The following PAIP1 variants were observed in gnomAD, a reference collection of about 807,000 sequenced individuals.
The protein encoded by PAIP1 is polyadenylate-binding protein-interacting protein 1.
A neutral mutation model predicts 61.3 loss-of-function variants in PAIP1; 16 were observed. That is an observed-to-expected ratio of 0.26 (90% confidence interval 0.18 to 0.40). The LOEUF is 0.40. PAIP1 is among the 10% of genes least tolerant of loss of function. The probability of loss-of-function intolerance (pLI) is 1.00; values close to 1 mark genes in which losing one functional copy is unlikely to be tolerated. For missense variants in PAIP1, 416 were observed against 600.9 expected, an observed-to-expected ratio of 0.69 and a Z score of 3.22; for synonymous variants, 187 against 226.2, an observed-to-expected ratio of 0.83 and a Z score of 1.56.
chr5:43,556,146 TACAG>T, intron 1 of PAIP1, 147 bp from the exon 2 acceptor site: 3 of 1,419,828 alleles, frequency 2.1e-6, no homozygotes, highest in Non-Finnish European at 1.8e-6. Context: ...CCGGAATGTG[TACAG>T]ACAGCCTACA....
intron 2 of PAIP1, among the ~76,000 whole-genome samples, chr5:43,555,066 G>A (rs987604729): frequency 6.6e-6 from 1 of 152,120 alleles, no homozygotes; most frequent in Admixed American, 6.5e-5. Context: ...TTTGAACACA[G>A]GCAAAACTAT....
rs1325152777 is a variant in PAIP1 at position 43,550,325 on chromosome 5, A to C, written c.436-2412T>G. On this transcript the variant is annotated intron_variant, in intron 2 of 10. Coordinates refer to ENST00000306846, the MANE Select transcript of PAIP1 (RefSeq NM_006451.5). Reference sequence around the variant, plus strand: ...TTAATCAAATTCACCTAGATTGGTGAAGAGCACATAGTAAAGCACAGAATG... The same window carrying C: ...TTAATCAAATTCACCTAGATTGGTGCAGAGCACATAGTAAAGCACAGAATG... Among the ~76,000 whole-genome samples the C allele has an allele frequency of 2.6e-5, 4 of 152,162 alleles. No homozygotes were observed. In the East Asian group the frequency reaches 7.7e-4, roughly 29 times the overall value.
chr5:43,550,977 A>G (rs1019570686), intron 2 of PAIP1, among the ~76,000 whole-genome samples: 1 of 152,282 alleles, frequency 6.6e-6, no homozygotes, highest in African/African-American at 2.4e-5. Flanking sequence ...AGAAGCACAC[A>G]GGCCCCAAGG....
intron 3 of PAIP1, among the ~76,000 whole-genome samples, chr5:43,544,894 T>G (rs768480625): frequency 3.5e-4 from 54 of 152,334 alleles, no homozygotes; most frequent in Admixed American, 9.8e-4. Context: ...GCTTGAAATC[T>G]CAAGCATTTC....
chr5:43,528,039 A>AG (rs1364429319), intron 10 of PAIP1, among the ~76,000 whole-genome samples: 2 of 152,142 alleles, frequency 1.3e-5, no homozygotes, highest in African/African-American at 4.8e-5. Flanking sequence ...TCCAACTATT[A>AG]GGTAGTTTAA....
Position 43,535,659 on chromosome 5 carries a change from G to A in PAIP1, c.973-19C>T. Reference sequence around the variant, plus strand: ...CTGTCAACTAAAAAAGCAGGTGTCAGTAAAATAAGAAATTCAATAGTGTAT... The same window carrying A: ...CTGTCAACTAAAAAAGCAGGTGTCAATAAAATAAGAAATTCAATAGTGTAT... On this transcript the variant is annotated intron_variant, in intron 6 of 10. Transcript: ENST00000306846. 1 of 1,316,554 alleles carries A rather than the reference G, an allele frequency of 7.6e-7. No homozygotes were observed. The highest frequency in any genetic ancestry group is 1.1e-6 in the Non-Finnish European group (1 of 911,776). The allele number at this position is 1,316,554 out of a possible 1,614,324, so 81.6% of individuals were successfully genotyped here. A position where few individuals can be genotyped will look rare whatever the true frequency, so the allele number is the denominator to read the frequency against.
At chr5:43,543,197 G>GA (rs1229493229) in intron 3 of PAIP1, 81 bp from the exon 4 acceptor site, 1 of 584,398 alleles carries the variant, frequency 1.7e-6, no homozygotes, top group Non-Finnish European at 3.0e-6. Flanking sequence ...TTCTAAAGAA[G>GA]AAAAAATTGA....
In PAIP1 at chr5:43,539,151, T is replaced by C. The variant is rs898707469; in HGVS notation, c.735-116A>G. 1.2e-5 allele frequency: 8 copies of C among 666,020 alleles called. No individual in the cohort carries two copies. The African/African-American group carries it at 1.4e-4, about 12-fold the overall frequency. 41.3% of individuals were successfully genotyped at this position (666,020 alleles called of 1,614,324 possible). A position where few individuals can be genotyped will look rare whatever the true frequency, so the allele number is the denominator to read the frequency against. On this transcript the variant is annotated intron_variant, in intron 4 of 10. Transcript: ENST00000306846. The stretch of plus-strand genomic sequence containing the variant: ...GCAAGAGGCAAGGACAATGTCCCAA[T>C]GCTCTTTCTACAATAAAGAAACTGT...
At position 43,529,895 on chromosome 5, in the gene PAIP1, G is replaced by A; in HGVS notation, c.1253-16C>T. 2.7e-6 allele frequency: 3 copies of A among 1,113,254 alleles called. No homozygotes were observed. The highest frequency in any genetic ancestry group is 1.5e-5 in the African/African-American group (1 of 65,320). 69.0% of individuals were successfully genotyped at this position (1,113,254 alleles called of 1,614,324 possible). On this transcript the variant is annotated splice_polypyrimidine_tract_variant and intron_variant, in intron 9 of 10. Coordinates refer to ENST00000306846, the MANE Select transcript of PAIP1 (RefSeq NM_006451.5). ...TCTTGGTAATCTGTAAGACAACATA[G>A]GAGAAAAACTAAATACTGAAAAAAT...
chr5:43,549,241 C>A (rs980964803), intron 2 of PAIP1, among the ~76,000 whole-genome samples: 4 of 152,162 alleles, frequency 2.6e-5, no homozygotes, highest in African/African-American at 4.8e-5. Context: ...GCCCAGGACA[C>A]AGTCTTAGGA....
chr5:43,528,648 T>C (rs1746800257), intron 10 of PAIP1, among the ~76,000 whole-genome samples: 1 of 152,128 alleles, frequency 6.6e-6, no homozygotes, highest in Non-Finnish European at 1.5e-5. Flanking sequence ...CAGCAACAAT[T>C]GTATTTCTAG....
intron 3 of PAIP1, among the ~76,000 whole-genome samples, chr5:43,544,255 T>C (rs1475818882): frequency 6.7e-6 from 1 of 150,204 alleles, no homozygotes; most frequent in Non-Finnish European, 1.5e-5. Context: ...ACTCTATATG[T>C]TGGGTCTACT....
intron 6 of PAIP1, among the ~76,000 whole-genome samples, 156 bp downstream of exon 6, chr5:43,536,663 A>G (rs1356435807): frequency 6.6e-6 from 1 of 152,230 alleles, no homozygotes; most frequent in Non-Finnish European, 1.5e-5. Flanking sequence ...AACAATAAGT[A>G]TATCTCGCTT....
intron 4 of PAIP1, among the ~76,000 whole-genome samples, chr5:43,540,422 A>C (rs1747352043): frequency 1.3e-5 from 2 of 152,230 alleles, no homozygotes; most frequent in Admixed American, 1.3e-4. Context: ...GACAGACTGT[A>C]CGTTAGGATA....
chr5:43,545,774 ATTTTT>A (rs761073861), intron 3 of PAIP1, among the ~76,000 whole-genome samples: 1 of 142,202 alleles, frequency 7.0e-6, no homozygotes, highest in African/African-American at 2.6e-5. Context: ...TTAATCTGTC[ATTTTT>A]TTTTTTTTTG....
intron 2 of PAIP1, among the ~76,000 whole-genome samples, chr5:43,549,460 TG>T (rs202185490): frequency 0.019 from 2,839 of 152,238 alleles, 93 homozygotes; most frequent in African/African-American, 0.065. Flanking sequence ...TCACGAGATC[TG>T]ATGGGTTTAT....
Position 43,556,796 on chromosome 5 carries a change from C to T in PAIP1, c.51G>A (p.Arg17=). The T allele has an allele frequency of 6.9e-7, 1 of 1,453,344 alleles. No individual in the cohort carries two copies. 90.0% of individuals were successfully genotyped at this position (1,453,344 alleles called of 1,614,324 possible). A position where few individuals can be genotyped will look rare whatever the true frequency, so the allele number is the denominator to read the frequency against. ...RAPGAGRGRS[R]GLGRGGGGPE... ...GCCCGCCCCCTCCGCGGCCCAGGCC[C>T]CGGCTCCGGCCCCGACCAGCACCTG... is the stretch of plus-strand genomic sequence containing the variant. Residue 17 remains arginine, a synonymous_variant, in exon 1 of 11, where the codon CGG becomes CGA. Transcript: ENST00000306846.
chr5:43,534,261 G>A (rs781744765), intron 8 of PAIP1, among the ~76,000 whole-genome samples: 9 of 151,876 alleles, frequency 5.9e-5, no homozygotes, highest in Non-Finnish European at 1.0e-4. Flanking sequence ...GTGCAATGGC[G>A]TGATTTCAGC....
In PAIP1 at chr5:43,531,316, T is replaced by TAA. The variant is rs11406058; in HGVS notation, c.1253-1439_1253-1438dup. On this transcript the variant is annotated intron_variant, in intron 9 of 10. Transcript: ENST00000306846. ...TAATCCAAGCCACAGTGTTTTTCAT[T>TAA]AAAAAAAAAATGAAAAAAGAAAAAA... Among the ~76,000 whole-genome samples, 118 of 142,552 alleles carry TAA rather than the reference T, an allele frequency of 8.3e-4. 1 individual carries two copies. The highest frequency in any genetic ancestry group is 3.4e-3 in the Middle Eastern group (1 of 290). 93.5% of individuals were successfully genotyped at this position (142,552 alleles called of 152,430 possible).
Sources: allele counts gnomAD v4.1 joint callset (sites outside exome capture counted in the v4.1 genomes callset), GRCh38; gene constraint gnomAD v4.1.1; transcripts MANE v1.5; gene names NCBI Gene and HGNC (gene_info 2026-07-23, HGNC 2026-07-21).